Variants in PLCG2 observed in about 807,000 individuals in gnomAD.
The protein encoded by PLCG2 is phospholipase C gamma 2.
In PLCG2, 69 loss-of-function variants were observed where a neutral mutation model predicts 175.6. The ratio of observed to expected loss-of-function variants is 0.39; its 90% confidence interval spans 0.32 to 0.48. PLCG2 has a LOEUF of 0.48. Ranked by LOEUF, PLCG2 falls within the 20% of genes least tolerant of loss-of-function variation. The pLI, the probability that PLCG2 is intolerant of heterozygous loss-of-function variation, is 0.91. For missense variants in PLCG2, 1,798 were observed against 1,650.9 expected, an observed-to-expected ratio of 1.09 and a Z score of -1.54; for synonymous variants, 827 against 624.0, an observed-to-expected ratio of 1.33 and a Z score of -4.85.
chr16:81,882,536 T>C (rs1308470069), intron 8 of PLCG2, among the ~76,000 whole-genome samples: 1 of 152,068 alleles, frequency 6.6e-6, no homozygotes, highest in East Asian at 1.9e-4. Flanking sequence ...GGGTGGTGTG[T>C]CGAGCCCTGT....
intron 2 of PLCG2, among the ~76,000 whole-genome samples, chr16:81,765,238 G>A (rs1910122592): frequency 6.6e-6 from 1 of 152,272 alleles, no homozygotes; most frequent in African/African-American, 2.4e-5. Context: ...AGAGGATGGG[G>A]AGAGGCATCT....
At position 81,805,767 on chromosome 16, in the gene PLCG2, G is replaced by GTTTTTTTTTT. The variant is rs766609754; in HGVS notation, c.193+19591_193+19600dup. Among the ~76,000 whole-genome samples, 33 of 39,496 alleles carry GTTTTTTTTTT rather than the reference G, an allele frequency of 8.4e-4. 1 individual carries two copies. The highest frequency in any genetic ancestry group is 2.0e-3 in the African/African-American group (16 of 8,160). 25.9% of individuals were successfully genotyped at this position (39,496 alleles called of 152,430 possible). A position where few individuals can be genotyped will look rare whatever the true frequency, so the allele number is the denominator to read the frequency against. Reference sequence around the variant, plus strand: ...AGCCATGAGAGTAGTGTTTTGTTTTGTTTTTTTTTTTTTTTGTTTTTTTTT... The same window carrying GTTTTTTTTTT: ...AGCCATGAGAGTAGTGTTTTGTTTTGTTTTTTTTTTTTTTTTTTTTTTTTTGTTTTTTTTT... On this transcript the variant is annotated intron_variant, in intron 2 of 32. Coordinates refer to ENST00000564138, the MANE Select transcript of PLCG2 (RefSeq NM_002661.5).
At chr16:81,916,193 A>G (rs955296689) in intron 19 of PLCG2, among the ~76,000 whole-genome samples, 1 of 152,146 alleles carries the variant, frequency 6.6e-6, no homozygotes, top group Non-Finnish European at 1.5e-5. Context: ...AAACCACTGA[A>G]GCAGAAGTCT....
chr16:81,795,956 G>A (rs4258606), intron 2 of PLCG2, among the ~76,000 whole-genome samples: 150,309 of 152,330 alleles, frequency 0.99, 74,179 homozygotes, highest in East Asian at 1. Context: ...GAAGAACAGG[G>A]CCTAAGTTGG....
chr16:81,893,806 C>A lies in PLCG2; in HGVS notation c.1072+12C>A. On this transcript the variant is annotated intron_variant, in intron 12 of 32. Coordinates refer to ENST00000564138, the MANE Select transcript of PLCG2 (RefSeq NM_002661.5). ...TCGCTGCATTGAACGTGAGTAGCTC[C>A]TTCTTGGTGGAGGTCAGGCTCGCAG... The A allele has an allele frequency of 1.9e-6, 3 of 1,578,702 alleles. No individual in the cohort carries two copies. Among genetic ancestry groups the A allele is most frequent in the Non-Finnish European group, 2.6e-6 (3 of 1,149,728 alleles).
chr16:81,942,422 C>T (rs918432571), intron 30 of PLCG2, among the ~76,000 whole-genome samples: 2 of 152,214 alleles, frequency 1.3e-5, no homozygotes, highest in Non-Finnish European at 2.9e-5. Context: ...TTCCTCACTT[C>T]TTTCTAGCTC....
Position 81,961,159 on chromosome 16 carries a change from T to C in PLCG2, c.*3161T>C, listed in dbSNP as rs1412967772. ...CTGTAGATTTCTGAGTCTCTTAGCA[T>C]GTAACTACAAAGGGGTTGGAAGAAT... On this transcript the variant is annotated 3_prime_UTR_variant, in exon 33 of 33. Coordinates refer to ENST00000564138, the MANE Select transcript of PLCG2 (RefSeq NM_002661.5). 2.6e-5 allele frequency: 6 copies of C among 230,168 alleles called. No homozygotes were observed. The highest frequency in any genetic ancestry group is 4.3e-5 in the Non-Finnish European group (5 of 116,196). The allele number at this position is 230,168 out of a possible 1,614,324, so 14.3% of individuals were successfully genotyped here.
At chr16:81,896,414 AC>A (rs1908892541) in intron 13 of PLCG2, among the ~76,000 whole-genome samples, 3 of 99,094 alleles carry the variant, frequency 3.0e-5, no homozygotes, top group South Asian at 3.2e-4. Context: ...ACACACACAC[AC>A]ACACACACAC....
intron 10 of PLCG2, 85 bp from the exon 11 acceptor site, chr16:81,891,387 C>T (rs1908624253): frequency 2.5e-6 from 2 of 811,656 alleles, no homozygotes; most frequent in South Asian, 2.8e-5. Context: ...CTGTTCTTCC[C>T]CCCTGGTGGG....
chr16:81,958,731 C>T lies in PLCG2; in HGVS notation c.*733C>T, dbSNP rs751342487. On this transcript the variant is annotated 3_prime_UTR_variant, in exon 33 of 33. Coordinates refer to ENST00000564138, the MANE Select transcript of PLCG2 (RefSeq NM_002661.5). ...TGCAGGGGCAGGTTCTCACTTGCCC[C>T]TGGCTCTGCCAGCTGCTGGGAGGCT... 42 of 221,888 alleles carry T rather than the reference C, an allele frequency of 1.9e-4. No homozygotes were observed. Among genetic ancestry groups the T allele is most frequent in the Non-Finnish European group, 3.4e-4 (38 of 110,984 alleles). The allele number at this position is 221,888 out of a possible 1,614,324, so 13.7% of individuals were successfully genotyped here.
At chr16:81,882,066 T>G (rs1908108276) in intron 8 of PLCG2, among the ~76,000 whole-genome samples, 1 of 152,242 alleles carries the variant, frequency 6.6e-6, no homozygotes. Flanking sequence ...CCTGAGTGTT[T>G]AGTAAAGGGA....
At chr16:81,910,741 C>G (rs1232322128) in intron 18 of PLCG2, 21 bp downstream of exon 18, 2 of 1,599,358 alleles carry the variant, frequency 1.3e-6, no homozygotes, top group Admixed American at 1.7e-5. Context: ...GAGGGTGGAG[C>G]AGGAGGCAGG....
chr16:81,880,982 G>T, intron 8 of PLCG2, 29 bp downstream of exon 8: 3 of 1,612,152 alleles, frequency 1.9e-6, no homozygotes, highest in Non-Finnish European at 2.5e-6. Flanking sequence ...GTCGTTCGGG[G>T]CGGCTGTGCC....
At chr16:81,743,645 C>G (rs912274582) in intron 1 of PLCG2, among the ~76,000 whole-genome samples, 1 of 152,178 alleles carries the variant, frequency 6.6e-6, no homozygotes, top group Non-Finnish European at 1.5e-5. Flanking sequence ...GAGATCCTCT[C>G]TCTTGTGGAT....
chr16:81,858,451 A>G (rs1205252061), intron 4 of PLCG2, 95 bp downstream of exon 4: 11 of 865,076 alleles, frequency 1.3e-5, no homozygotes, highest in Non-Finnish European at 1.6e-5. Flanking sequence ...AAAAAAAAAA[A>G]GGGACATTGG....
intron 2 of PLCG2, among the ~76,000 whole-genome samples, chr16:81,795,550 T>G (rs557384378): frequency 6.6e-6 from 1 of 152,344 alleles, no homozygotes; most frequent in South Asian, 2.1e-4. Flanking sequence ...TGGGACTCTG[T>G]GCTATCATCT....
chr16:81,846,659 C>G (rs576034533), intron 2 of PLCG2, among the ~76,000 whole-genome samples: 9 of 152,328 alleles, frequency 5.9e-5, no homozygotes, highest in African/African-American at 2.2e-4. Flanking sequence ...AGTCCATGTT[C>G]ATGGATAGGA....
At position 81,880,913 on chromosome 16, in the gene PLCG2, C is replaced by A. The variant is rs551539187; in HGVS notation, c.652C>A (p.Leu218Ile). 2.2e-5 allele frequency: 36 copies of A among 1,613,998 alleles called. No homozygotes were observed. The highest frequency in any genetic ancestry group is 3.3e-5 in the Admixed American group (2 of 60,008). ...KLMFEQQKSI[L>I]DEFKKDSSVF... ...TTGTGTGTGCTTTCCATTTCAGATT[C>A]TCGATGAATTCAAAAAGGATTCGTC... The change falls in exon 8 of 33, where the codon CTC becomes ATC. Residue 218 changes from leucine (L) to isoleucine (I), a missense_variant. Coordinates refer to ENST00000564138, the MANE Select transcript of PLCG2 (RefSeq NM_002661.5).
intron 7 of PLCG2, among the ~76,000 whole-genome samples, chr16:81,880,085 A>G (rs1200426322): frequency 2.0e-5 from 3 of 152,216 alleles, no homozygotes; most frequent in Non-Finnish European, 4.4e-5. Context: ...TACAAAAAGA[A>G]AAAATATTAG....
Sources: gnomAD v4.1 joint callset for allele counts (sites outside exome capture counted in the v4.1 genomes callset) on GRCh38, gnomAD v4.1.1 for gene constraint, MANE v1.5 for transcripts, NCBI Gene and HGNC (gene_info 2026-07-23, HGNC 2026-07-21) for gene names.